EPB41L5: variants seen among roughly 807,000 people sequenced by gnomAD.
The protein encoded by EPB41L5 is erythrocyte membrane protein band 4.1 like 5.
Under a neutral mutation model 106.6 loss-of-function variants are expected in EPB41L5, and 55 were observed. That is an observed-to-expected ratio of 0.52 (90% CI 0.42 to 0.65). EPB41L5 has a LOEUF of 0.65. Ranked by LOEUF, EPB41L5 falls within the 30% of genes least tolerant of loss-of-function variation. The pLI, the probability that EPB41L5 is intolerant of heterozygous loss-of-function variation, is 0.00. For missense variants in EPB41L5, 871 were observed against 882.1 expected (o/e 0.99, Z 0.16); for synonymous variants, 297 against 306.7 (o/e 0.97, Z 0.33).
At chr2:120,031,026 G>A (rs1310827704) in intron 2 of EPB41L5, among the ~76,000 whole-genome samples, 10 of 151,938 alleles carry the variant, frequency 6.6e-5, no homozygotes, top group Admixed American at 1.3e-4. Flanking sequence ...ACAGGCGTCC[G>A]CCACCACACC....
rs1391584773 is a variant in EPB41L5 at position 120,176,673 on chromosome 2, A to C, written c.*1766A>C. The C allele has an allele frequency of 6.6e-6, 1 of 152,210 alleles. No homozygotes were observed. The highest frequency in any genetic ancestry group is 2.4e-5 in the African/African-American group (1 of 41,456). The allele number at this position is 152,210 out of a possible 1,614,324, so 9.4% of individuals were successfully genotyped here. A position where few individuals can be genotyped will look rare whatever the true frequency, so the allele number is the denominator to read the frequency against. On this transcript the variant is annotated 3_prime_UTR_variant, in exon 25 of 25. Transcript: ENST00000263713. ...ACATATTTTCTCAAAGCTGAAGGTG[A>C]CACCTAGAACCAGGGGCTTGACCCA...
intron 2 of EPB41L5, among the ~76,000 whole-genome samples, chr2:120,033,247 C>T (rs1312635887): frequency 6.6e-6 from 1 of 152,188 alleles, no homozygotes; most frequent in Non-Finnish European, 1.5e-5. Flanking sequence ...ACTACAGTTA[C>T]TGCATTTACT....
At chr2:120,167,748 CAA>C in intron 23 of EPB41L5, 127 bp from the exon 24 acceptor site, 2 of 1,234,430 alleles carry the variant, frequency 1.6e-6, no homozygotes, top group Non-Finnish European at 2.3e-6. Context: ...AAAAACAAAA[CAA>C]ACAGTCATAA....
intron 3 of EPB41L5, among the ~76,000 whole-genome samples, chr2:120,046,381 T>C (rs1405104017): frequency 1.3e-5 from 2 of 152,218 alleles, no homozygotes; most frequent in African/African-American, 4.8e-5. Context: ...TCATTGTGGT[T>C]TTGATTTGCA....
chr2:120,161,104 A>G, intron 21 of EPB41L5, 130 bp downstream of exon 21: 1 of 677,698 alleles, frequency 1.5e-6, no homozygotes, highest in Non-Finnish European at 2.6e-6. Context: ...GCAGCCGAGC[A>G]CAGGGGCTCA....
At chr2:120,053,763 G>C (rs1191239272) in intron 3 of EPB41L5, among the ~76,000 whole-genome samples, 1 of 152,146 alleles carries the variant, frequency 6.6e-6, no homozygotes, top group Non-Finnish European at 1.5e-5. Context: ...CTATTTGGCT[G>C]TTATGAATAA....
chr2:120,084,261 A>G (rs1286924378), intron 10 of EPB41L5, among the ~76,000 whole-genome samples: 7 of 152,132 alleles, frequency 4.6e-5, no homozygotes, highest in Admixed American at 2.6e-4. Flanking sequence ...AGTGGCTGGT[A>G]CCAGTTGTTC....
At chr2:120,062,566 CTT>C (rs1681155679) in intron 3 of EPB41L5, among the ~76,000 whole-genome samples, 1 of 152,102 alleles carries the variant, frequency 6.6e-6, no homozygotes, top group Non-Finnish European at 1.5e-5. Flanking sequence ...ACAAATTAAA[CTT>C]ATCAGTGTAT....
intron 16 of EPB41L5, chr2:120,108,049 A>G (rs1045234840): frequency 1.3e-5 from 2 of 152,200 alleles, no homozygotes; most frequent in Non-Finnish European, 2.9e-5. Context: ...TTATTTTTAT[A>G]CTGAAGTAGA....
At chr2:120,173,442 G>T (rs1255883990) in intron 24 of EPB41L5, among the ~76,000 whole-genome samples, 1 of 152,150 alleles carries the variant, frequency 6.6e-6, no homozygotes, top group African/African-American at 2.4e-5. Flanking sequence ...GTCTGATTCG[G>T]TATATCTGGG....
chr2:120,041,273 C>T (rs1558816865), intron 2 of EPB41L5, among the ~76,000 whole-genome samples: 1 of 152,150 alleles, frequency 6.6e-6, no homozygotes, highest in Non-Finnish European at 1.5e-5. Flanking sequence ...TCTGCTTCCA[C>T]GTTCACTGTG....
intron 24 of EPB41L5, among the ~76,000 whole-genome samples, chr2:120,173,716 T>C (rs1027609513): frequency 2.0e-5 from 3 of 152,238 alleles, no homozygotes; most frequent in Non-Finnish European, 4.4e-5. Context: ...AGTGTCTCTC[T>C]CCATTACCTG....
At chr2:120,172,286 A>G (rs1005090867) in intron 24 of EPB41L5, among the ~76,000 whole-genome samples, 1 of 152,222 alleles carries the variant, frequency 6.6e-6, no homozygotes, top group African/African-American at 2.4e-5. Context: ...TTTCTAGATT[A>G]AAGAGGTCTG....
At chr2:120,089,314 G>A (rs1162371972) in intron 11 of EPB41L5, among the ~76,000 whole-genome samples, 1 of 151,982 alleles carries the variant, frequency 6.6e-6, no homozygotes, top group African/African-American at 2.4e-5. Flanking sequence ...ACCAACTAAA[G>A]TCTAACCCCC....
At chr2:120,034,201 T>G (rs1678899457) in intron 2 of EPB41L5, among the ~76,000 whole-genome samples, 1 of 152,232 alleles carries the variant, frequency 6.6e-6, no homozygotes, top group Non-Finnish European at 1.5e-5. Context: ...ATGTATAACC[T>G]TGAAAAGGTT....
At chr2:120,095,607 T>C (rs1412929152) in intron 14 of EPB41L5, among the ~76,000 whole-genome samples, 1 of 152,094 alleles carries the variant, frequency 6.6e-6, no homozygotes, top group Non-Finnish European at 1.5e-5. Context: ...GTATCTACTT[T>C]TGTTTTCAAA....
At chr2:120,153,076 C>T (rs928550070) in intron 20 of EPB41L5, among the ~76,000 whole-genome samples, 4 of 151,960 alleles carry the variant, frequency 2.6e-5, no homozygotes, top group African/African-American at 9.7e-5. Context: ...TTTTCTAGTT[C>T]CTTAAGGTGT....
intron 22 of EPB41L5, among the ~76,000 whole-genome samples, chr2:120,165,960 T>G (rs1008631411): frequency 1.0e-4 from 10 of 98,748 alleles, no homozygotes; most frequent in African/African-American, 3.7e-4. Context: ...ACAGTGAGAC[T>G]CCGTCTCAAA....
intron 2 of EPB41L5, among the ~76,000 whole-genome samples, chr2:120,024,579 C>G (rs1022419820): frequency 6.6e-6 from 1 of 152,098 alleles, no homozygotes; most frequent in Non-Finnish European, 1.5e-5. Flanking sequence ...GCCTCAGCCT[C>G]CCGAGTAGCT....
Sources: gnomAD v4.1 joint callset for allele counts (sites outside exome capture counted in the v4.1 genomes callset) on GRCh38, gnomAD v4.1.1 for gene constraint, MANE v1.5 for transcripts, NCBI Gene and HGNC (gene_info 2026-07-23, HGNC 2026-07-21) for gene names.